MINDY2: variants seen among roughly 807,000 people sequenced by gnomAD.
The protein encoded by MINDY2 is MINDY lysine 48 deubiquitinase 2, also known as ubiquitin carboxyl-terminal hydrolase MINDY-2.
Under a neutral mutation model 68.2 loss-of-function variants are expected in MINDY2, and 52 were observed. The observed-to-expected ratio is 0.76, with a 90% CI of 0.61 to 0.96. MINDY2 has a LOEUF of 0.96. Among genes scored for constraint, MINDY2 ranks in the 40% least tolerant of loss-of-function variants. The probability of loss-of-function intolerance (pLI) is 0.00; values close to 1 mark genes in which losing one functional copy is unlikely to be tolerated. For missense variants in MINDY2, 881 were observed against 773.4 expected (o/e 1.14, Z -1.65); for synonymous variants, 372 against 303.0 (o/e 1.23, Z -2.36).
In MINDY2 at chr15:58,861,134, T is replaced by C. The variant is rs1280314417; in HGVS notation, c.*6524T>C. 3 of 152,210 alleles carry C rather than the reference T, an allele frequency of 2.0e-5. No individual in the cohort carries two copies. The highest frequency in any genetic ancestry group is 7.2e-5 in the African/African-American group (3 of 41,452). 9.4% of individuals were successfully genotyped at this position (152,210 alleles called of 1,614,324 possible). A position where few individuals can be genotyped will look rare whatever the true frequency, so the allele number is the denominator to read the frequency against. ...AATCTTTTCCTTGAATTGTGCAGAA[T>C]AATTGGATTGAGGCACATATTTTGA... On this transcript the variant is annotated 3_prime_UTR_variant, in exon 9 of 9. Coordinates refer to ENST00000559228, the MANE Select transcript of MINDY2 (RefSeq NM_001040450.3).
chr15:58,823,402 T>C (rs1481092731), intron 5 of MINDY2, among the ~76,000 whole-genome samples: 2 of 151,998 alleles, frequency 1.3e-5, no homozygotes, highest in African/African-American at 4.8e-5. Context: ...GGCTGGACAT[T>C]GTGGCCCACA....
intron 5 of MINDY2, among the ~76,000 whole-genome samples, chr15:58,828,439 C>A (rs966591687): frequency 7.9e-5 from 12 of 152,088 alleles, no homozygotes; most frequent in Admixed American, 2.0e-4. Context: ...CCTATTTCTA[C>A]TTTCTATTCC....
At chr15:58,837,378 G>T (rs945710379) in intron 6 of MINDY2, among the ~76,000 whole-genome samples, 2 of 151,946 alleles carry the variant, frequency 1.3e-5, no homozygotes, top group Non-Finnish European at 2.9e-5. Context: ...TTCAAAGCCA[G>T]CCTGGACAAC....
At chr15:58,839,929 T>C (rs1302765609) in intron 6 of MINDY2, among the ~76,000 whole-genome samples, 1 of 151,588 alleles carries the variant, frequency 6.6e-6, no homozygotes, top group East Asian at 1.9e-4. Flanking sequence ...ACCTCCCAGG[T>C]TCAAGCAATT....
intron 1 of MINDY2, among the ~76,000 whole-genome samples, chr15:58,774,525 G>A (rs1237118348): frequency 8.7e-5 from 13 of 149,926 alleles, no homozygotes; most frequent in African/African-American, 3.0e-4. Context: ...ATGCAAAGAT[G>A]AGTATGATGC....
chr15:58,800,534 CT>C (rs1329831606), intron 2 of MINDY2, among the ~76,000 whole-genome samples: 1 of 152,132 alleles, frequency 6.6e-6, no homozygotes, highest in African/African-American at 2.4e-5. Flanking sequence ...TGTATTAACT[CT>C]TTGTATAAGC....
intron 6 of MINDY2, among the ~76,000 whole-genome samples, chr15:58,844,896 C>T (rs1281888204): frequency 3.4e-5 from 4 of 119,264 alleles, no homozygotes; most frequent in African/African-American, 1.3e-4. Context: ...GCCTGGGCGA[C>T]AGAGTGAGAC....
intron 2 of MINDY2, among the ~76,000 whole-genome samples, chr15:58,794,215 A>T (rs552717661): frequency 1.6e-4 from 25 of 152,152 alleles, no homozygotes; most frequent in Non-Finnish European, 2.5e-4. Flanking sequence ...AAATGATGTA[A>T]GTGTGTTGAA....
At chr15:58,820,621 A>G (rs1371783442) in intron 4 of MINDY2, among the ~76,000 whole-genome samples, 2 of 152,186 alleles carry the variant, frequency 1.3e-5, no homozygotes, top group African/African-American at 4.8e-5. Context: ...AAATTATAGC[A>G]TAGAATGGTG....
chr15:58,843,438 A>G (rs2032372639), intron 6 of MINDY2, among the ~76,000 whole-genome samples: 1 of 152,204 alleles, frequency 6.6e-6, no homozygotes, highest in Non-Finnish European at 1.5e-5. Flanking sequence ...GGCGTGAGCC[A>G]CCACACCCGA....
In MINDY2 at chr15:58,854,542, A is replaced by C; in HGVS notation, c.1798A>C (p.Lys600Gln). The C allele has an allele frequency of 6.2e-7, 1 of 1,613,992 alleles. No homozygotes were observed. The highest frequency in any genetic ancestry group is 8.5e-7 in the Non-Finnish European group (1 of 1,179,982). Residue 600 changes from lysine to glutamine, a missense_variant, in exon 9 of 9, where the codon AAA becomes CAA. Transcript: ENST00000559228. The part of the protein sequence containing the change: ...SGRQSGNSER[K>Q]RKEPREKDKE... The stretch of plus-strand genomic sequence containing the variant: ...AAGACAATCTGGGAATAGTGAACGT[A>C]AACGGAAGGAACCACGAGAAAAAGA...
intron 4 of MINDY2, among the ~76,000 whole-genome samples, chr15:58,816,359 T>A (rs72745037): frequency 0.018 from 2,684 of 152,300 alleles, 42 homozygotes; most frequent in Admixed American, 0.025. Context: ...AGAATGACAG[T>A]CTGAGGAATG....
At chr15:58,799,777 A>G (rs1339272781) in intron 2 of MINDY2, among the ~76,000 whole-genome samples, 2 of 152,120 alleles carry the variant, frequency 1.3e-5, no homozygotes, top group Admixed American at 1.3e-4. Context: ...TGGCTTTTTG[A>G]AGGGCTTTGG....
Position 58,841,497 on chromosome 15 carries a change from C to G in MINDY2, c.1369-5800C>G, listed in dbSNP as rs546426817. Among the ~76,000 whole-genome samples, 301 of 151,720 alleles carry G rather than the reference C, an allele frequency of 2.0e-3. 3 individuals are homozygous for G. Among genetic ancestry groups the G allele is most frequent in the African/African-American group, 7.0e-3 (288 of 41,280 alleles). On this transcript the variant is annotated intron_variant, in intron 6 of 8. Coordinates refer to ENST00000559228, the MANE Select transcript of MINDY2 (RefSeq NM_001040450.3). ...CTTGGCTCATTGCAACCTCTGCCTC[C>G]CAGGTTCAAGCAATTTTCCTGCCTT...
At chr15:58,790,590 G>GGC (rs1567043332) in intron 2 of MINDY2, among the ~76,000 whole-genome samples, 1 of 152,024 alleles carries the variant, frequency 6.6e-6, no homozygotes, top group Admixed American at 6.6e-5. Flanking sequence ...GACCTTAGTG[G>GGC]GGGGTAAGAC....
intron 4 of MINDY2, among the ~76,000 whole-genome samples, chr15:58,820,443 C>CA (rs1313993928): frequency 0.015 from 1,355 of 88,150 alleles, 24 homozygotes; most frequent in African/African-American, 0.043. Context: ...GACTCCATCT[C>CA]AAAAAAAAAA....
At chr15:58,795,640 G>C (rs1020663787) in intron 2 of MINDY2, among the ~76,000 whole-genome samples, 3 of 152,136 alleles carry the variant, frequency 2.0e-5, no homozygotes, top group Admixed American at 6.5e-5. Flanking sequence ...TCCTGACCTC[G>C]TGATCCACCC....
At chr15:58,834,335 C>G (rs1293091835) in intron 6 of MINDY2, among the ~76,000 whole-genome samples, 2 of 152,140 alleles carry the variant, frequency 1.3e-5, no homozygotes, top group Non-Finnish European at 2.9e-5. Flanking sequence ...AAGGTCTTCT[C>G]ATTCCTTTTT....
intron 8 of MINDY2, among the ~76,000 whole-genome samples, chr15:58,852,922 G>GTTTTTTTGTTTTTTTTTTTT (rs2032893829): frequency 2.0e-5 from 1 of 48,930 alleles, no homozygotes; most frequent in African/African-American, 7.5e-5. Context: ...TGCTGTTCCT[G>GTTTTTTTGTTTTTTTTTTTT]TTTTTTTTTT....
Sources: gnomAD v4.1 joint callset for allele counts (sites outside exome capture counted in the v4.1 genomes callset) on GRCh38, gnomAD v4.1.1 for gene constraint, MANE v1.5 for transcripts, NCBI Gene and HGNC (gene_info 2026-07-23, HGNC 2026-07-21) for gene names.